Variants in DMXL2 observed in about 807,000 individuals in gnomAD.
DMXL2 encodes Dmx like 2.
Under a neutral mutation model 331.1 loss-of-function variants are expected in DMXL2, and 103 were observed. That is an observed-to-expected ratio of 0.31 (90% CI 0.27 to 0.37). The LOEUF is 0.37. Ranked by LOEUF, DMXL2 falls within the 10% of genes least tolerant of loss-of-function variation. DMXL2 has a pLI of 1.00. For synonymous variants in DMXL2, 1,281 were observed against 1,252.1 expected (o/e 1.02, Z -0.49); for missense variants, 3,171 against 3,642.9 (o/e 0.87, Z 3.33).
At chr15:51,532,302 C>T (rs925700135) in intron 13 of DMXL2, among the ~76,000 whole-genome samples, 3 of 152,030 alleles carry the variant, frequency 2.0e-5, no homozygotes, top group Non-Finnish European at 2.9e-5. Flanking sequence ...GTTGCATGTC[C>T]TCACTTATTT....
At chr15:51,618,457 C>T (rs2054427390) in intron 1 of DMXL2, among the ~76,000 whole-genome samples, 1 of 151,862 alleles carries the variant, frequency 6.6e-6, no homozygotes, top group Admixed American at 6.6e-5. Flanking sequence ...AGAGTTAAGA[C>T]ATATCTAAAT....
At chr15:51,603,722 G>T (rs553629757) in intron 1 of DMXL2, 1 of 152,068 alleles carries the variant, frequency 6.6e-6, no homozygotes, top group Admixed American at 6.6e-5. Context: ...AAAAAAATTA[G>T]CCGGGCGTGG....
chr15:51,619,466 C>T (rs779785108), intron 1 of DMXL2, among the ~76,000 whole-genome samples: 1 of 152,226 alleles, frequency 6.6e-6, no homozygotes, highest in Non-Finnish European at 1.5e-5. Context: ...AAACCACAGA[C>T]ATCAGCTGAG....
chr15:51,570,781 G>A (rs1194468888), intron 2 of DMXL2, among the ~76,000 whole-genome samples: 2 of 151,996 alleles, frequency 1.3e-5, no homozygotes, highest in Non-Finnish European at 2.9e-5. Context: ...CCTTAGTGAA[G>A]GAAGCACTAA....
chr15:51,474,522 T>C lies in DMXL2; in HGVS notation c.7035A>G (p.Leu2345=), dbSNP rs771622423. Residue 2345 remains leucine (L), a synonymous_variant, in exon 28 of 44, where the codon CTA becomes CTG. Coordinates refer to ENST00000560891, the MANE Select transcript of DMXL2 (RefSeq NM_001378457.1). ...DEDQPKLNIL[L]CEAVVAVYLS... is the part of the protein sequence containing the mutation. ...AGTAAACAGCAACAACAGCTTCACA[T>C]AGCAAAATGTTCAGTTTTGGCTGGT... The C allele has an allele frequency of 2.2e-5, 36 of 1,614,132 alleles. No individual in the cohort carries two copies. Among genetic ancestry groups the C allele is most frequent in the Middle Eastern group, 1.7e-4 (1 of 6,060 alleles).
chr15:51,515,334 G>C (rs933260903), intron 14 of DMXL2, among the ~76,000 whole-genome samples: 1 of 151,998 alleles, frequency 6.6e-6, no homozygotes, highest in African/African-American at 2.4e-5. Context: ...TTCAAGAAAA[G>C]GAAGCAGCTA....
At chr15:51,524,747 T>C (rs1256871979) in intron 13 of DMXL2, among the ~76,000 whole-genome samples, 1 of 152,118 alleles carries the variant, frequency 6.6e-6, no homozygotes, top group Non-Finnish European at 1.5e-5. Context: ...CTGAGCTTGA[T>C]TCCCCAAAAG....
At chr15:51,614,399 A>T (rs1208705257) in intron 1 of DMXL2, among the ~76,000 whole-genome samples, 1 of 152,206 alleles carries the variant, frequency 6.6e-6, no homozygotes. Flanking sequence ...TGTCAGGCTA[A>T]TCTCTAATTC....
At chr15:51,552,098 G>A (rs1165796396) in intron 6 of DMXL2, among the ~76,000 whole-genome samples, 2 of 152,194 alleles carry the variant, frequency 1.3e-5, no homozygotes, top group African/African-American at 4.8e-5. Flanking sequence ...GAAAGAGCTT[G>A]GCATATTCAA....
intron 6 of DMXL2, among the ~76,000 whole-genome samples, chr15:51,551,242 A>C (rs1243581993): frequency 6.6e-6 from 1 of 152,146 alleles, no homozygotes; most frequent in Non-Finnish European, 1.5e-5. Flanking sequence ...CATTTGCTTA[A>C]CCTCCATAGG....
At chr15:51,564,465 T>C (rs1033730561) in intron 4 of DMXL2, among the ~76,000 whole-genome samples, 1 of 151,978 alleles carries the variant, frequency 6.6e-6, no homozygotes, top group African/African-American at 2.4e-5. Flanking sequence ...TAAGGAAGAT[T>C]TGAGAACAAC....
intron 2 of DMXL2, among the ~76,000 whole-genome samples, chr15:51,571,929 C>G (rs2050694267): frequency 6.6e-6 from 1 of 152,062 alleles, no homozygotes; most frequent in Non-Finnish European, 1.5e-5. Context: ...CAAGAAATAA[C>G]TAAGATCAGA....
chr15:51,616,874 T>C (rs567624915), intron 1 of DMXL2, among the ~76,000 whole-genome samples: 31 of 146,348 alleles, frequency 2.1e-4, no homozygotes, highest in African/African-American at 7.9e-4. Context: ...GAGATGGAGG[T>C]TGTGGTGAGC....
intron 1 of DMXL2, among the ~76,000 whole-genome samples, chr15:51,592,479 T>C (rs927582057): frequency 5.9e-5 from 9 of 152,334 alleles, no homozygotes; most frequent in South Asian, 2.1e-4. Context: ...TGGAACCAAG[T>C]TGGAAAACAC....
chr15:51,602,352 C>A (rs1359810760), intron 1 of DMXL2, among the ~76,000 whole-genome samples: 2 of 151,936 alleles, frequency 1.3e-5, no homozygotes, highest in Admixed American at 1.3e-4. Flanking sequence ...TCTCTATTTT[C>A]TGATATCACA....
At chr15:51,477,592 G>T (rs1002669326) in intron 26 of DMXL2, among the ~76,000 whole-genome samples, 8 of 151,976 alleles carry the variant, frequency 5.3e-5, no homozygotes, top group African/African-American at 1.9e-4. Context: ...AAGAAAGAAA[G>T]CCAGAAATAT....
rs574653126 is a variant in DMXL2 at position 51,460,040 on chromosome 15, C to T, written c.7927-380G>A. ...GCCCTATAGGGGTTGATTTAAAATACAAATTAAAATATTTATTTCTAAACA... is the reference window on the plus strand; with the variant it reads ...GCCCTATAGGGGTTGATTTAAAATATAAATTAAAATATTTATTTCTAAACA... On this transcript the variant is annotated intron_variant, in intron 33 of 43. Transcript: ENST00000560891. The T allele has an allele frequency of 3.1e-6, 3 of 966,332 alleles. No homozygotes were observed. The East Asian group carries it at 3.4e-4, about 111-fold the overall frequency. 59.9% of individuals were successfully genotyped at this position (966,332 alleles called of 1,614,324 possible).
At chr15:51,556,962 T>A (rs1490894801) in intron 6 of DMXL2, among the ~76,000 whole-genome samples, 2 of 151,972 alleles carry the variant, frequency 1.3e-5, no homozygotes, top group Non-Finnish European at 2.9e-5. Flanking sequence ...GTGAAGGGTA[T>A]CCCTTTGAGA....
rs111591860 is a variant in DMXL2 at position 51,519,645 on chromosome 15, T to G, written c.2437-2478A>C. ...TTTGACAAAGTCTCTTGTTTTTTTT[T>G]TTTTTTTTTTTTTTGAGATGGAGTT... is the stretch of plus-strand genomic sequence containing the variant. On this transcript the variant is annotated intron_variant, in intron 13 of 43. Transcript: ENST00000560891. Among the ~76,000 whole-genome samples the G allele has an allele frequency of 8.8e-3, 1,283 of 145,566 alleles. 22 individuals carry two copies. Among genetic ancestry groups the G allele is most frequent in the African/African-American group, 0.031 (1,232 of 39,464 alleles).
Sources: allele counts gnomAD v4.1 joint callset (sites outside exome capture counted in the v4.1 genomes callset), GRCh38; gene constraint gnomAD v4.1.1; transcripts MANE v1.5; gene names NCBI Gene and HGNC (gene_info 2026-07-23, HGNC 2026-07-21).